The following TMEM131 variants were observed in gnomAD, a reference collection of about 807,000 sequenced individuals.
TMEM131 encodes transmembrane protein 131.
A neutral mutation model predicts 211.6 loss-of-function variants in TMEM131; 66 were observed. The observed-to-expected ratio is 0.31, with a 90% confidence interval of 0.26 to 0.38. TMEM131 has a LOEUF of 0.38. Among genes scored for constraint, TMEM131 ranks in the 10% least tolerant of loss-of-function variants. The probability of loss-of-function intolerance (pLI) is 1.00; values close to 1 mark genes in which losing one functional copy is unlikely to be tolerated. For synonymous variants in TMEM131, 844 were observed against 841.3 expected, an observed-to-expected ratio of 1.00 and a Z score of -0.06; for missense variants, 2,036 against 2,299.3, an observed-to-expected ratio of 0.89 and a Z score of 2.34.
intron 7 of TMEM131, among the ~76,000 whole-genome samples, chr2:97,839,568 GAATAT>G (rs954208517): frequency 6.6e-6 from 1 of 152,148 alleles, no homozygotes; most frequent in Non-Finnish European, 1.5e-5. Context: ...ATTATGTACA[GAATAT>G]ATTATGTGTA....
chr2:97,797,054 C>T, intron 26 of TMEM131, 68 bp from the exon 27 acceptor site: 4 of 1,492,596 alleles, frequency 2.7e-6, no homozygotes, highest in Non-Finnish European at 3.7e-6. Context: ...TTTGCAATTT[C>T]TACTGTTATT....
intron 22 of TMEM131, 40 bp downstream of exon 22, chr2:97,805,048 T>C (rs1681228772): frequency 7.3e-7 from 1 of 1,368,028 alleles, no homozygotes; most frequent in Non-Finnish European, 1.0e-6. Flanking sequence ...AATAGTCATC[T>C]TGTAAAGATG....
At chr2:97,947,886 T>C (rs73960434) in intron 1 of TMEM131, among the ~76,000 whole-genome samples, 2,934 of 152,204 alleles carry the variant, frequency 0.019, 97 homozygotes, top group African/African-American at 0.067. Context: ...CCCCCACATA[T>C]ATGGTCAACT....
Position 97,757,168 on chromosome 2 carries a change from T to G in TMEM131, c.5583A>C (p.Ile1861=). 6.2e-7 allele frequency: 1 copy of G among 1,613,868 alleles called. No individual in the cohort carries two copies. Among genetic ancestry groups the G allele is most frequent in the Non-Finnish European group, 8.5e-7 (1 of 1,179,774 alleles). Residue 1861 remains isoleucine (I), a synonymous_variant, in exon 41 of 41, where the codon ATA becomes ATC. Coordinates refer to ENST00000186436, the MANE Select transcript of TMEM131 (RefSeq NM_015348.2). ...TTCTTCTTCCAATCGTGGGGCTCCATATCCGCCACGGGTTGTAGGTCTGTC... is the reference window on the plus strand; with the variant it reads ...TTCTTCTTCCAATCGTGGGGCTCCAGATCCGCCACGGGTTGTAGGTCTGTC... The part of the protein sequence containing the change: ...DLGQTYNPWR[I]WSPTIGRRSS...
intron 11 of TMEM131, among the ~76,000 whole-genome samples, 156 bp from the exon 12 acceptor site, chr2:97,818,877 G>A (rs1423857432): frequency 4.6e-5 from 7 of 152,098 alleles, no homozygotes. Context: ...AGGCCACACT[G>A]GAAAACTTCA....
intron 7 of TMEM131, among the ~76,000 whole-genome samples, chr2:97,838,317 G>A (rs1222232457): frequency 3.3e-5 from 5 of 151,870 alleles, no homozygotes; most frequent in Admixed American, 2.6e-4. Context: ...TTAAATTTGG[G>A]GTGAAGTATG....
At chr2:97,962,361 G>A (rs569504946) in intron 1 of TMEM131, among the ~76,000 whole-genome samples, 6 of 152,196 alleles carry the variant, frequency 3.9e-5, no homozygotes, top group East Asian at 1.9e-4. Context: ...AAAATTAGCC[G>A]GGCGTGGTGG....
rs540866296 is a variant in TMEM131 at position 97,923,434 on chromosome 2, G to A, written c.249+3992C>T. 2.2e-4 allele frequency among the ~76,000 whole-genome samples: 33 copies of A among 151,952 alleles called. 1 individual carries two copies. Among genetic ancestry groups the A allele is most frequent in the African/African-American group, 8.0e-4 (33 of 41,460 alleles). ...GCCCAGGAGTTTGAGACCAGCCTGG[G>A]CAACATAGTGAGAACCTACCTCTAT... On this transcript the variant is annotated intron_variant, in intron 2 of 40. Transcript: ENST00000186436.
At chr2:97,864,224 C>A (rs2105195809) in intron 4 of TMEM131, among the ~76,000 whole-genome samples, 1 of 152,124 alleles carries the variant, frequency 6.6e-6, no homozygotes, top group Non-Finnish European at 1.5e-5. Context: ...TTACCAGAGG[C>A]TGGGAAGGAT....
At chr2:97,984,867 G>C (rs987206219) in intron 1 of TMEM131, among the ~76,000 whole-genome samples, 3 of 152,106 alleles carry the variant, frequency 2.0e-5, no homozygotes, top group Non-Finnish European at 2.9e-5. Flanking sequence ...ATGTGGAAGT[G>C]TGTGAGTATA....
At chr2:97,995,190 A>T (rs948647394) in intron 1 of TMEM131, among the ~76,000 whole-genome samples, 3 of 152,256 alleles carry the variant, frequency 2.0e-5, no homozygotes, top group Non-Finnish European at 4.4e-5. Flanking sequence ...AAAGCCAAAA[A>T]ATATGCCCCT....
intron 1 of TMEM131, among the ~76,000 whole-genome samples, chr2:97,928,465 T>A (rs982843598): frequency 6.6e-6 from 1 of 151,750 alleles, no homozygotes; most frequent in African/African-American, 2.4e-5. Context: ...TGAATCTAAA[T>A]GTATGCAAAT....
At chr2:97,917,135 G>A (rs1029553578) in intron 2 of TMEM131, among the ~76,000 whole-genome samples, 1 of 152,130 alleles carries the variant, frequency 6.6e-6, no homozygotes, top group Non-Finnish European at 1.5e-5. Flanking sequence ...ATTAGCCCAT[G>A]AGCCAAATCC....
At chr2:97,833,106 T>C (rs1364004948) in intron 11 of TMEM131, among the ~76,000 whole-genome samples, 1 of 152,200 alleles carries the variant, frequency 6.6e-6, no homozygotes, top group Non-Finnish European at 1.5e-5. Context: ...ACAGGCCTTT[T>C]ATATGACTGT....
intron 3 of TMEM131, among the ~76,000 whole-genome samples, chr2:97,897,303 A>G (rs1162022940): frequency 2.0e-5 from 3 of 152,082 alleles, no homozygotes; most frequent in East Asian, 1.9e-4. Flanking sequence ...TACCACATCC[A>G]GTACAATGTT....
At chr2:97,885,251 G>A (rs1349909344) in intron 4 of TMEM131, among the ~76,000 whole-genome samples, 1 of 150,030 alleles carries the variant, frequency 6.7e-6, no homozygotes, top group Non-Finnish European at 1.5e-5. Context: ...AGCCTGGAGG[G>A]CAGTGGCGCG....
intron 3 of TMEM131, among the ~76,000 whole-genome samples, chr2:97,901,870 C>T (rs1479758400): frequency 6.6e-6 from 1 of 152,094 alleles, no homozygotes; most frequent in Admixed American, 6.6e-5. Context: ...GGAATAAGCC[C>T]TAGTTTTTAA....
rs1378271287 is a variant in TMEM131, at chr2:97,766,361, T to TTA, written c.4574-100_4574-99dup. ...TTCTAATGAGGACAAGAACACAGCC[T>TTA]TAGCCTTGCATGACTAATAACTACT... On this transcript the variant is annotated intron_variant, in intron 34 of 40. Transcript: ENST00000186436. The TTA allele has an allele frequency of 2.4e-5, 38 of 1,598,064 alleles. No individual in the cohort carries two copies. In the East Asian group the frequency reaches 8.0e-4, roughly 34 times the overall value.
At chr2:97,772,562 ATC>A in intron 32 of TMEM131, 138 bp from the exon 33 acceptor site, 1 of 1,056,014 alleles carries the variant, frequency 9.5e-7, no homozygotes, top group South Asian at 1.7e-5. Context: ...GTTTCTTCAA[ATC>A]TGTCTTCACT....
Sources: gnomAD v4.1 joint callset for allele counts (sites outside exome capture counted in the v4.1 genomes callset) on GRCh38, gnomAD v4.1.1 for gene constraint, MANE v1.5 for transcripts, NCBI Gene and HGNC (gene_info 2026-07-23, HGNC 2026-07-21) for gene names.